The following MIA2 variants were observed in gnomAD, a reference collection of about 807,000 sequenced individuals.
MIA2 encodes the protein melanoma inhibitory activity protein 2.
In MIA2, 127 loss-of-function variants were observed where a neutral mutation model predicts 167.8. That is an observed-to-expected ratio of 0.76 (90% confidence interval 0.66 to 0.88). The LOEUF is 0.88. Among genes scored for constraint, MIA2 ranks in the 40% least tolerant of loss-of-function variants. The probability of loss-of-function intolerance (pLI) is 0.00; values close to 1 mark genes in which losing one functional copy is unlikely to be tolerated. For synonymous variants in MIA2, 552 were observed against 541.9 expected (o/e 1.02, Z -0.26); for missense variants, 1,690 against 1,624.7 (o/e 1.04, Z -0.69).
chr14:39,353,501 A>G (rs2074444899), downstream of MIA2, among the ~76,000 whole-genome samples: 1 of 152,130 alleles, frequency 6.6e-6, no homozygotes. Flanking sequence ...AGTTCCATCC[A>G]TGTTGCTGCA....
Position 39,248,027 on chromosome 14 carries a change from A to G in MIA2, c.1453A>G (p.Ile485Val), listed in dbSNP as rs774792490. 3 of 1,574,010 alleles carry G rather than the reference A, an allele frequency of 1.9e-6. No homozygotes were observed. Among genetic ancestry groups the G allele is most frequent in the Non-Finnish European group, 1.7e-6 (2 of 1,168,700 alleles). ...KETELPFPKQ[I>V]LDQNNVIENE... Reference sequence around the variant, plus strand: ...AACAGAATTGCCATTTCCCAAACAGATACTGGATCAAAATAATGTAATTGA... The same window carrying G: ...AACAGAATTGCCATTTCCCAAACAGGTACTGGATCAAAATAATGTAATTGA... The change falls in exon 4 of 29, where the codon ATA becomes GTA. Residue 485 changes from isoleucine (I) to valine (V), a missense_variant. Transcript: ENST00000640607.
downstream of MIA2, among the ~76,000 whole-genome samples, chr14:39,352,199 C>CTTTTT (rs11392444): frequency 7.5e-6 from 1 of 133,060 alleles, no homozygotes. Flanking sequence ...TTGTTTTTGG[C>CTTTTT]TTTTTTTTTT....
Position 39,285,197 on chromosome 14 carries a change from A to G in MIA2, c.2130+5660A>G, listed in dbSNP as rs949414112. The stretch of plus-strand genomic sequence containing the variant: ...AATCTGATTTCTCTATCTTTTCCCC[A>G]CCTTTCCCCCTTTTCTATTCCACAA... On this transcript the variant is annotated intron_variant, in intron 9 of 28. Coordinates refer to ENST00000640607, the MANE Select transcript of MIA2 (RefSeq NM_001329214.4). 5.3e-4 allele frequency among the ~76,000 whole-genome samples: 81 copies of G among 151,748 alleles called. 1 individual carries two copies. The highest frequency in any genetic ancestry group is 1.0e-4 in the Non-Finnish European group (7 of 67,880).
At chr14:39,264,142 CT>C (rs1195289369) in intron 6 of MIA2, among the ~76,000 whole-genome samples, 3 of 152,128 alleles carry the variant, frequency 2.0e-5, no homozygotes, top group African/African-American at 7.2e-5. Flanking sequence ...TTTTTCTCAT[CT>C]TTATGTCTGT....
intron 4 of MIA2, among the ~76,000 whole-genome samples, 176 bp from the exon 5 acceptor site, chr14:39,252,572 T>TA (rs757107038): frequency 2.6e-5 from 4 of 152,298 alleles, no homozygotes; most frequent in Admixed American, 1.3e-4. Flanking sequence ...TAATTTATCT[T>TA]ACTAGCAATA....
At position 39,247,056 on chromosome 14, in the gene MIA2, T is replaced by A; in HGVS notation, c.482T>A (p.Ile161Lys). ...AGTATATATGAAAGTGATTTTCAGA[T>A]AGAACCTGGATTTTATGCAACTTAT... ...KSSIYESDFQ[I>K]EPGFYATYES... Residue 161 changes from isoleucine (I) to lysine (K), a missense_variant, in exon 4 of 29, where the codon ATA becomes AAA. By Grantham distance (102) the Ile-to-Lys change is moderately radical (BLOSUM62 -3). Transcript: ENST00000640607. The A allele has an allele frequency of 6.2e-7, 1 of 1,606,064 alleles. No homozygotes were observed. The highest frequency in any genetic ancestry group is 8.5e-7 in the Non-Finnish European group (1 of 1,178,114).
chr14:39,300,081 C>A, intron 14 of MIA2, 95 bp downstream of exon 14: 1 of 1,464,564 alleles, frequency 6.8e-7, no homozygotes, highest in Admixed American at 2.4e-5. Flanking sequence ...TTTATTTTCA[C>A]AACATATTTT....
At chr14:39,311,836 G>GGT (rs2064346392) in intron 18 of MIA2, among the ~76,000 whole-genome samples, 2 of 96,616 alleles carry the variant, frequency 2.1e-5, no homozygotes, top group African/African-American at 7.6e-5. Flanking sequence ...GTGTGTGTGT[G>GGT]TTTTTTTTTT....
At chr14:39,359,729 C>T (rs528966851) in intron 23 of MIA2, among the ~76,000 whole-genome samples, 4 of 152,222 alleles carry the variant, frequency 2.6e-5, no homozygotes, top group South Asian at 4.2e-4. Flanking sequence ...TTCTTGTGTC[C>T]ATTGATAGAT....
Position 39,348,756 on chromosome 14 carries a change from C to T in MIA2, c.3851C>T (p.Pro1284Leu), listed in dbSNP as rs765644209. The T allele has an allele frequency of 1.2e-6, 2 of 1,613,876 alleles. No homozygotes were observed. Among genetic ancestry groups the T allele is most frequent in the South Asian group, 1.1e-5 (1 of 91,070 alleles). Residue 1284 changes from proline to leucine, a missense_variant, in exon 28 of 29, where the codon CCT becomes CTT. Transcript: ENST00000640607. ...TKDDLGNLNV[P>L]DSSLPAENEA... Reference sequence around the variant, plus strand: ...AATTTGTTGTAGAATTTAAATGTGCCTGATTCATCTCTCCCTGCTGAAAAT... The same window carrying T: ...AATTTGTTGTAGAATTTAAATGTGCTTGATTCATCTCTCCCTGCTGAAAAT...
intron 9 of MIA2, among the ~76,000 whole-genome samples, chr14:39,282,388 T>C (rs904341839): frequency 1.3e-5 from 2 of 152,224 alleles, no homozygotes; most frequent in Non-Finnish European, 2.9e-5. Context: ...GATACGTGTA[T>C]AGTAAATGGT....
chr14:39,320,471 G>A (rs574190888), intron 23 of MIA2, among the ~76,000 whole-genome samples: 15 of 152,072 alleles, frequency 9.9e-5, no homozygotes, highest in Non-Finnish European at 7.4e-5. Context: ...CATAATCTGA[G>A]CATTATTTAA....
chr14:39,267,670 T>C, intron 6 of MIA2: 1 of 941,406 alleles, frequency 1.1e-6, no homozygotes, highest in South Asian at 1.6e-5. Flanking sequence ...CCCGCCCGTG[T>C]TCGAGGCAGT....
intron 9 of MIA2, among the ~76,000 whole-genome samples, chr14:39,290,647 G>A (rs1260507929): frequency 1.3e-5 from 2 of 152,176 alleles, no homozygotes; most frequent in African/African-American, 4.8e-5. Flanking sequence ...TAATTAGACA[G>A]CTTACGTAAA....
chr14:39,317,271 A>T (rs974351892), intron 21 of MIA2, among the ~76,000 whole-genome samples: 3 of 152,180 alleles, frequency 2.0e-5, no homozygotes, highest in African/African-American at 7.2e-5. Context: ...TGAAAGTGAC[A>T]CTGAGCAGTA....
chr14:39,259,216 G>A (rs2054961416), intron 6 of MIA2, among the ~76,000 whole-genome samples: 2 of 152,190 alleles, frequency 1.3e-5, no homozygotes, highest in African/African-American at 2.4e-5. Context: ...TCCCCCAGGT[G>A]CTCTGTCCCA....
Position 39,381,030 on chromosome 14 carries a change from A to C in MIA2, c.2249-5855A>C, listed in dbSNP as rs560174258. 7.2e-3 allele frequency among the ~76,000 whole-genome samples: 1,094 copies of C among 152,100 alleles called. 9 individuals are homozygous for C. Among genetic ancestry groups the C allele is most frequent in the African/African-American group, 0.025 (1,024 of 41,536 alleles). Reference sequence around the variant, plus strand: ...TATTTTAGTAAAAAAAACAAAAAAAAAAAAAACAAAGGTAACAATACAAAA... The same window carrying C: ...TATTTTAGTAAAAAAAACAAAAAAACAAAAAACAAAGGTAACAATACAAAA... On this transcript the variant is annotated intron_variant, in intron 23 of 23. Transcript: ENST00000341502.
chr14:39,288,637 A>G (rs1171371436), intron 9 of MIA2, among the ~76,000 whole-genome samples: 2 of 150,116 alleles, frequency 1.3e-5, no homozygotes, highest in African/African-American at 4.9e-5. Context: ...TAATTTTTGT[A>G]TTTTTAGTAG....
At chr14:39,337,102 T>TG (rs1463028546) in intron 25 of MIA2, among the ~76,000 whole-genome samples, 2 of 152,180 alleles carry the variant, frequency 1.3e-5, no homozygotes, top group Admixed American at 6.5e-5. Flanking sequence ...GGACCTTATA[T>TG]ATTATATAGT....
Sources: gnomAD v4.1 joint callset for allele counts (sites outside exome capture counted in the v4.1 genomes callset) on GRCh38, gnomAD v4.1.1 for gene constraint, MANE v1.5 for transcripts, NCBI Gene and HGNC (gene_info 2026-07-23, HGNC 2026-07-21) for gene names.